Variants in PCDH15 observed in about 807,000 individuals in gnomAD.
The protein encoded by PCDH15 is protocadherin related 15, also known as protocadherin-15.
Under a neutral mutation model 178.5 loss-of-function variants are expected in PCDH15, and 129 were observed. The ratio of observed to expected loss-of-function variants is 0.72; its 90% CI spans 0.63 to 0.84. The LOEUF is 0.84. Ranked by LOEUF, PCDH15 falls within the 40% of genes least tolerant of loss-of-function variation. The pLI is 0.00. For synonymous variants in PCDH15, 800 were observed against 732.0 expected (o/e 1.09, Z -1.50); for missense variants, 2,230 against 2,099.9 (o/e 1.06, Z -1.21).
At chr10:54,506,295 G>A (rs758657600) in intron 3 of PCDH15, among the ~76,000 whole-genome samples, 11 of 151,828 alleles carry the variant, frequency 7.2e-5, no homozygotes, top group South Asian at 6.2e-4. Context: ...CTTAAAAATC[G>A]TTTCTATATA....
chr10:54,708,912 A>C (rs1182225234), intron 1 of PCDH15, among the ~76,000 whole-genome samples: 1 of 152,152 alleles, frequency 6.6e-6, no homozygotes, highest in Non-Finnish European at 1.5e-5. Flanking sequence ...GAAAAAAAGG[A>C]AACAAAATAT....
At chr10:55,416,682 T>C (rs1160923566) in intron 2 of PCDH15, among the ~76,000 whole-genome samples, 1 of 151,734 alleles carries the variant, frequency 6.6e-6, no homozygotes, top group Non-Finnish European at 1.5e-5. Flanking sequence ...TCAAGATCTT[T>C]TCTGAGGGCT....
chr10:54,474,924 C>G (rs77577016), intron 3 of PCDH15, among the ~76,000 whole-genome samples: 1 of 151,844 alleles, frequency 6.6e-6, no homozygotes, highest in Non-Finnish European at 1.5e-5. Flanking sequence ...GGAATAAAAA[C>G]TAAGTTCTAC....
At chr10:54,814,018 A>C (rs1197584797) in intron 3 of PCDH15, among the ~76,000 whole-genome samples, 1 of 152,196 alleles carries the variant, frequency 6.6e-6, no homozygotes, top group East Asian at 1.9e-4. Flanking sequence ...TTCTGCTGAA[A>C]AAAATGATTT....
intron 7 of PCDH15, among the ~76,000 whole-genome samples, chr10:54,323,922 A>G (rs756465356): frequency 6.6e-6 from 1 of 152,152 alleles, no homozygotes; most frequent in African/African-American, 2.4e-5. Context: ...ATATTTGCCT[A>G]ATATTTCTTA....
At chr10:53,885,819 G>A (rs778052871) in intron 26 of PCDH15, among the ~76,000 whole-genome samples, 21 of 152,114 alleles carry the variant, frequency 1.4e-4, no homozygotes, top group Non-Finnish European at 2.2e-4. Flanking sequence ...ACACTAAGGT[G>A]TATCTCAAAG....
chr10:53,849,664 A>C (rs550965548), intron 28 of PCDH15, among the ~76,000 whole-genome samples: 9 of 152,008 alleles, frequency 5.9e-5, no homozygotes, highest in African/African-American at 2.2e-4. Flanking sequence ...GGAGATCTAG[A>C]CCATTGTGGC....
chr10:54,627,795 T>C (rs2093598205), intron 2 of PCDH15, among the ~76,000 whole-genome samples: 1 of 152,180 alleles, frequency 6.6e-6, no homozygotes, highest in Non-Finnish European at 1.5e-5. Context: ...TGTTCAAGTC[T>C]CTTAGTGTGG....
intron 2 of PCDH15, among the ~76,000 whole-genome samples, chr10:55,553,447 G>C (rs1378749397): frequency 2.6e-5 from 4 of 151,746 alleles, no homozygotes; most frequent in Non-Finnish European, 5.9e-5. Flanking sequence ...GAACAAAGTG[G>C]TGTTTTTTAT....
intron 3 of PCDH15, among the ~76,000 whole-genome samples, chr10:54,388,577 T>C (rs1589161921): frequency 6.6e-6 from 1 of 152,340 alleles, no homozygotes; most frequent in East Asian, 1.9e-4. Context: ...AGCCGTTATC[T>C]GAGAATTAAG....
intron 3 of PCDH15, among the ~76,000 whole-genome samples, chr10:54,398,104 CTA>C (rs1428146640): frequency 1.3e-5 from 2 of 151,850 alleles, no homozygotes; most frequent in Non-Finnish European, 2.9e-5. Context: ...TTTAAAGTAA[CTA>C]TATGACTATC....
intron 1 of PCDH15, among the ~76,000 whole-genome samples, chr10:54,709,334 G>C (rs895219768): frequency 2.0e-5 from 3 of 151,938 alleles, no homozygotes; most frequent in Non-Finnish European, 4.4e-5. Flanking sequence ...TGATTGAAGA[G>C]AGAAGGAAAT....
intron 27 of PCDH15, 124 bp downstream of exon 27, chr10:53,866,518 G>T (rs1564638829): frequency 1.5e-6 from 1 of 686,622 alleles, no homozygotes. Flanking sequence ...CAATCTGAGT[G>T]AAAATAATAA....
chr10:53,822,195 G>C (rs963926344), intron 32 of PCDH15: 1 of 1,614,048 alleles, frequency 6.2e-7, no homozygotes, highest in South Asian at 1.1e-5. Flanking sequence ...TTTAACACCT[G>C]TTATACAGAC....
At chr10:53,876,849 A>C (rs962665654) in intron 26 of PCDH15, among the ~76,000 whole-genome samples, 1 of 152,174 alleles carries the variant, frequency 6.6e-6, no homozygotes, top group African/African-American at 2.4e-5. Context: ...AGAAACAGCA[A>C]TGTAATAATG....
chr10:54,673,087 T>A (rs570969431), intron 1 of PCDH15, among the ~76,000 whole-genome samples: 6 of 151,894 alleles, frequency 4.0e-5, no homozygotes, highest in Admixed American at 6.6e-5. Flanking sequence ...AAAAAAAAAA[T>A]TAAATTAAAG....
intron 2 of PCDH15, among the ~76,000 whole-genome samples, chr10:55,130,211 TAGA>T (rs1343865940): frequency 6.6e-5 from 10 of 151,928 alleles, no homozygotes; most frequent in Non-Finnish European, 8.8e-5. Flanking sequence ...TGGATGTAGA[TAGA>T]AGGAGTGTTG....
intron 3 of PCDH15, among the ~76,000 whole-genome samples, chr10:54,822,454 A>C (rs1488120211): frequency 2.0e-5 from 3 of 152,124 alleles, no homozygotes; most frequent in Admixed American, 6.6e-5. Flanking sequence ...TGTTAGTGCA[A>C]ATGACAGGAG....
intron 2 of PCDH15, among the ~76,000 whole-genome samples, chr10:55,569,101 C>A (rs558086289): frequency 1.3e-5 from 2 of 152,186 alleles, no homozygotes; most frequent in South Asian, 4.1e-4. Context: ...TGCATCACCA[C>A]ATCTACCGTA....
Sources: allele counts gnomAD v4.1 joint callset (sites outside exome capture counted in the v4.1 genomes callset), GRCh38; gene constraint gnomAD v4.1.1; transcripts MANE v1.5; gene names NCBI Gene and HGNC (gene_info 2026-07-23, HGNC 2026-07-21).